Variants in PRC1 observed in about 807,000 individuals in gnomAD.
PRC1 encodes protein regulator of cytokinesis 1, also known as anaphase spindle elongation 1 homolog.
Under a neutral mutation model 91.2 loss-of-function variants are expected in PRC1, and 54 were observed. The observed-to-expected ratio is 0.59, with a 90% CI of 0.48 to 0.74. The LOEUF (loss-of-function observed/expected upper bound fraction) is 0.74, where lower values mean the gene tolerates loss of function less well. PRC1 is among the 30% of genes least tolerant of loss of function. The pLI is 0.00. For missense variants in PRC1, 727 were observed against 746.2 expected (o/e 0.97, Z 0.30); for synonymous variants, 275 against 263.6 (o/e 1.04, Z -0.42).
intron 1 of PRC1, among the ~76,000 whole-genome samples, chr15:90,991,245 A>G (rs2039965741): frequency 6.6e-6 from 1 of 151,298 alleles, no homozygotes; most frequent in African/African-American, 2.4e-5. Flanking sequence ...GTGAAACCCC[A>G]TCTCTACTAG....
intron 9 of PRC1, 37 bp downstream of exon 9, chr15:90,976,639 G>A (rs903076070): frequency 2.0e-6 from 3 of 1,485,548 alleles, no homozygotes; most frequent in East Asian, 2.3e-5. Context: ...AGGTATCTTT[G>A]TAACCAAGCA....
At chr15:90,976,814 T>A in intron 8 of PRC1, 43 bp from the exon 9 acceptor site, 1 of 1,479,606 alleles carries the variant, frequency 6.8e-7, no homozygotes, top group Non-Finnish European at 9.4e-7. Flanking sequence ...CCTGGCACCA[T>A]GAGACCAATA....
intron 11 of PRC1, among the ~76,000 whole-genome samples, chr15:90,973,499 C>T (rs567154087): frequency 2.0e-5 from 3 of 152,236 alleles, no homozygotes; most frequent in South Asian, 4.2e-4. Context: ...AAGACCTGAC[C>T]ATCCCCCAGC....
chr15:90,972,911 C>G (rs977692591), intron 11 of PRC1: 1 of 152,212 alleles, frequency 6.6e-6, no homozygotes, highest in Non-Finnish European at 1.5e-5. Context: ...TTCTTTTCAT[C>G]GTTACCAGAA....
rs1428357074 is a variant in PRC1 at position 90,980,227 on chromosome 15, C to T, written c.970+15G>A. Reference sequence around the variant, plus strand: ...CTCCAAACAAACAAACCAAAGACCTCACTCTTGTACTAACCAGCACAGAAA... The same window carrying T: ...CTCCAAACAAACAAACCAAAGACCTTACTCTTGTACTAACCAGCACAGAAA... On this transcript the variant is annotated intron_variant, in intron 7 of 14. Transcript: ENST00000394249. 3 of 1,580,712 alleles carry T rather than the reference C, an allele frequency of 1.9e-6. No individual in the cohort carries two copies. Among genetic ancestry groups the T allele is most frequent in the South Asian group, 1.2e-5 (1 of 85,618 alleles).
intron 1 of PRC1, among the ~76,000 whole-genome samples, chr15:90,986,323 T>C (rs2039570076): frequency 6.6e-6 from 1 of 152,194 alleles, no homozygotes; most frequent in African/African-American, 2.4e-5. Context: ...AATGCACTAA[T>C]GCAGCAATGA....
At position 90,969,613 on chromosome 15, in the gene PRC1, G is replaced by T. The variant is rs764442752; in HGVS notation, c.1583C>A (p.Ala528Asp). The T allele has an allele frequency of 1.9e-6, 3 of 1,594,964 alleles. No homozygotes were observed. Among genetic ancestry groups the T allele is most frequent in the Non-Finnish European group, 2.6e-6 (3 of 1,170,818 alleles). The change falls in exon 13 of 15, where the codon GCT becomes GAT. Residue 528 changes from alanine (A) to aspartate (D), a missense_variant. Ala to Asp is a moderately radical substitution (Grantham distance 126). Coordinates refer to ENST00000394249, the MANE Select transcript of PRC1 (RefSeq NM_003981.4). ...TGTTTTCTTCCCTGAACAGGTGGAA[G>T]CAGCGACTGGCTGCAGAGAAAGGAA... ...LPPSGSKPVA[A>D]STCSGKKTPR...
intron 8 of PRC1, 61 bp from the exon 9 acceptor site, chr15:90,976,832 C>T (rs2038743251): frequency 3.6e-6 from 5 of 1,398,164 alleles, no homozygotes; most frequent in South Asian, 3.5e-5. Flanking sequence ...ATAACTTCTG[C>T]TAAGATTCTT....
Position 90,969,583 on chromosome 15 carries a change from C to A in PRC1, c.1613G>T (p.Arg538Leu). ...CTTGTTGGCTCCATGCCTGCCAGTA[C>A]GGGGTGTTTTCTTCCCTGAACAGGT... ...ASTCSGKKTP[R>L]TGRHGANKEN... Residue 538 changes from arginine to leucine, a missense_variant, in exon 13 of 15, where the codon CGT (arginine) becomes CTT (leucine). By Grantham distance (102) the Arg-to-Leu change is moderately radical (BLOSUM62 -2). Transcript: ENST00000394249. 1 of 1,612,664 alleles carries A rather than the reference C, an allele frequency of 6.2e-7. No individual in the cohort carries two copies. Among genetic ancestry groups the A allele is most frequent in the Non-Finnish European group, 8.5e-7 (1 of 1,179,230 alleles).
In PRC1 at chr15:90,982,088, C is replaced by T. The variant is rs11857612; in HGVS notation, c.268-107G>A. 0.069 allele frequency: 70,497 copies of T among 1,016,782 alleles called. 6,938 individuals carry two copies. The highest frequency in any genetic ancestry group is 0.42 in the African/African-American group (25,802 of 61,396). 63.0% of individuals were successfully genotyped at this position (1,016,782 alleles called of 1,614,324 possible). ...GATGACAGACTTTCAGTTAAACTAACAAGTAAGTCAACTCATGGTCAACAG... is the reference window on the plus strand; with the variant it reads ...GATGACAGACTTTCAGTTAAACTAATAAGTAAGTCAACTCATGGTCAACAG... On this transcript the variant is annotated intron_variant, in intron 3 of 14. Transcript: ENST00000394249.
intron 8 of PRC1, 101 bp downstream of exon 8, chr15:90,979,057 G>A: frequency 7.5e-7 from 1 of 1,338,760 alleles, no homozygotes; most frequent in Non-Finnish European, 1.0e-6. Context: ...TAATGATAAA[G>A]ATGGGGTATC....
At chr15:90,987,463 T>C (rs747102369) in intron 1 of PRC1, among the ~76,000 whole-genome samples, 1 of 152,212 alleles carries the variant, frequency 6.6e-6, no homozygotes, top group Non-Finnish European at 1.5e-5. Context: ...ATGTATGTTA[T>C]TCTTCAATTA....
chr15:90,986,033 TA>T (rs2039551242), intron 1 of PRC1: 2 of 152,192 alleles, frequency 1.3e-5, no homozygotes, highest in African/African-American at 4.8e-5. Context: ...TGGCTAAAGT[TA>T]AAAAGACAGC....
intron 3 of PRC1, 99 bp downstream of exon 3, chr15:90,983,919 C>T: frequency 6.8e-7 from 1 of 1,471,506 alleles, no homozygotes; most frequent in Non-Finnish European, 9.3e-7. Flanking sequence ...TAGCTCCATC[C>T]CTACGAGGAA....
intron 1 of PRC1, among the ~76,000 whole-genome samples, chr15:90,993,337 A>G (rs924050858): frequency 6.6e-6 from 1 of 151,338 alleles, no homozygotes; most frequent in Non-Finnish European, 1.5e-5. Flanking sequence ...GCCTCCTGAA[A>G]AGCTGGGGGT....
Position 90,974,213 on chromosome 15 carries a change from T to G in PRC1, c.1384A>C (p.Met462Leu). 3.7e-6 allele frequency: 6 copies of G among 1,614,196 alleles called. No individual in the cohort carries two copies. The highest frequency in any genetic ancestry group is 5.1e-6 in the Non-Finnish European group (6 of 1,180,018). ...LKNKKQTETE[M>L]LYGSAPRTPS... Reference sequence around the variant, plus strand: ...GTTCGAGGAGCGCTGCCATACAGCATCTCTGTCTCTGTCTGTTTTTTGTTC... The same window carrying G: ...GTTCGAGGAGCGCTGCCATACAGCAGCTCTGTCTCTGTCTGTTTTTTGTTC... Residue 462 changes from methionine (M) to leucine (L), a missense_variant, in exon 11 of 15, where the codon ATG (methionine) becomes CTG (leucine). Transcript: ENST00000394249. The surrounding 1 kb of genome is among the most constrained non-coding windows in gnomAD (Gnocchi z 4.6).
At chr15:90,977,615 GCT>G (rs2038843787) in intron 8 of PRC1, among the ~76,000 whole-genome samples, 2 of 118,556 alleles carry the variant, frequency 1.7e-5, no homozygotes, top group African/African-American at 6.7e-5. Context: ...ACAGAGTCTC[GCT>G]CTGTCGCCCA....
intron 1 of PRC1, among the ~76,000 whole-genome samples, chr15:90,993,070 C>CA (rs67427806): frequency 0.077 from 2,371 of 30,944 alleles, 596 homozygotes; most frequent in East Asian, 0.29. Context: ...GACCCCGTCT[C>CA]AAAAAAAAAA....
At chr15:90,983,775 T>C (rs2039380449) in intron 3 of PRC1, 3 of 359,388 alleles carry the variant, frequency 8.3e-6, no homozygotes, top group Non-Finnish European at 9.8e-6. Flanking sequence ...AAAGCAAAAC[T>C]ATGGTAAGCA....
Sources: gnomAD v4.1 joint callset for allele counts (sites outside exome capture counted in the v4.1 genomes callset) on GRCh38, gnomAD v4.1.1 for gene constraint, Gnocchi (gnomAD v3.1) non-coding constraint, MANE v1.5 for transcripts, NCBI Gene and HGNC (gene_info 2026-07-23, HGNC 2026-07-21) for gene names.